The following AFF3 variants were observed in gnomAD, a reference collection of about 807,000 sequenced individuals.
The protein encoded by AFF3 is ALF transcription elongation factor 3, also known as AF4/FMR2 family member 3.
A neutral mutation model predicts 129.7 loss-of-function variants in AFF3; 32 were observed. The ratio of observed to expected loss-of-function variants is 0.25; its 90% confidence interval spans 0.19 to 0.33. The LOEUF is 0.33. Among genes scored for constraint, AFF3 ranks in the 10% least tolerant of loss-of-function variants. The pLI is 1.00. For missense variants in AFF3, 1,373 were observed against 1,592.0 expected (o/e 0.86, Z 2.34); for synonymous variants, 644 against 635.4 (o/e 1.01, Z -0.20).
intron 9 of AFF3, among the ~76,000 whole-genome samples, chr2:99,748,536 C>CCT (rs1463789158): frequency 6.6e-6 from 1 of 152,112 alleles, no homozygotes; most frequent in Non-Finnish European, 1.5e-5. Flanking sequence ...AGCTGTGTAT[C>CCT]CTGTTCTGAT....
intron 14 of AFF3, among the ~76,000 whole-genome samples, chr2:99,594,784 AG>A (rs1278118689): frequency 6.6e-6 from 1 of 152,192 alleles, no homozygotes; most frequent in Admixed American, 6.5e-5. Flanking sequence ...TATGTGTTGA[AG>A]GCAGGTAGGC....
chr2:99,816,122 T>C (rs1040012200), intron 8 of AFF3, among the ~76,000 whole-genome samples: 3 of 152,092 alleles, frequency 2.0e-5, no homozygotes, highest in African/African-American at 7.2e-5. Context: ...GATTGTTCAA[T>C]GATGTCCAGT....
chr2:99,640,555 G>A (rs1313547377), intron 13 of AFF3, among the ~76,000 whole-genome samples: 1 of 151,756 alleles, frequency 6.6e-6, no homozygotes, highest in African/African-American at 2.4e-5. Flanking sequence ...TCAAAGTCCT[G>A]TGCTTGCTTC....
chr2:99,804,773 C>T (rs1022522099), intron 8 of AFF3, among the ~76,000 whole-genome samples: 14 of 152,080 alleles, frequency 9.2e-5, no homozygotes, highest in Admixed American at 1.3e-4. Context: ...GAAATAATGT[C>T]TTTTGTAGCA....
chr2:99,985,491 G>A (rs1679780310), intron 7 of AFF3, among the ~76,000 whole-genome samples: 1 of 152,158 alleles, frequency 6.6e-6, no homozygotes, highest in Non-Finnish European at 1.5e-5. Flanking sequence ...AGGTAAATTG[G>A]TGTGGAGTTA....
intron 4 of AFF3, among the ~76,000 whole-genome samples, chr2:100,031,717 G>A (rs1684510403): frequency 6.6e-6 from 1 of 152,244 alleles, no homozygotes. Flanking sequence ...AATTGAAAGA[G>A]TTTCCAGTGG....
chr2:99,626,522 T>C (rs1172488457), intron 13 of AFF3, among the ~76,000 whole-genome samples: 27 of 97,520 alleles, frequency 2.8e-4, no homozygotes, highest in Non-Finnish European at 4.3e-5. Flanking sequence ...CCCTTCCTCT[T>C]CCTTCCTTCC....
At chr2:99,876,694 A>G (rs1322847672) in intron 7 of AFF3, among the ~76,000 whole-genome samples, 1 of 152,070 alleles carries the variant, frequency 6.6e-6, no homozygotes, top group Non-Finnish European at 1.5e-5. Context: ...AATTCTTAAC[A>G]TAGCCTAAGT....
chr2:99,901,087 T>C (rs1306791018), intron 7 of AFF3, among the ~76,000 whole-genome samples: 1 of 152,270 alleles, frequency 6.6e-6, no homozygotes, highest in African/African-American at 2.4e-5. Flanking sequence ...TGTGTGTGCA[T>C]GCATGCAATC....
At chr2:99,989,385 A>G (rs1483587894) in intron 7 of AFF3, among the ~76,000 whole-genome samples, 1 of 152,228 alleles carries the variant, frequency 6.6e-6, no homozygotes, top group Admixed American at 6.5e-5. Flanking sequence ...ATAAAATACA[A>G]AGTTAATCCA....
At chr2:99,972,038 T>C (rs1269288747) in intron 7 of AFF3, among the ~76,000 whole-genome samples, 1 of 152,196 alleles carries the variant, frequency 6.6e-6, no homozygotes, top group African/African-American at 2.4e-5. Context: ...CTTCTCAGCA[T>C]CACAGAAATC....
At chr2:99,802,712 T>G (rs1686037156) in intron 8 of AFF3, among the ~76,000 whole-genome samples, 1 of 87,058 alleles carries the variant, frequency 1.1e-5, no homozygotes, top group Non-Finnish European at 2.5e-5. Context: ...TTTTTTTTTT[T>G]GCAGCTATTG....
At chr2:99,943,542 A>C (rs941261737) in intron 7 of AFF3, among the ~76,000 whole-genome samples, 6 of 152,216 alleles carry the variant, frequency 3.9e-5, no homozygotes, top group Non-Finnish European at 5.9e-5. Flanking sequence ...AAAATGTGAC[A>C]CTGCCTTCTT....
intron 7 of AFF3, among the ~76,000 whole-genome samples, chr2:99,959,885 C>T (rs1295921078): frequency 6.6e-6 from 1 of 151,824 alleles, no homozygotes; most frequent in African/African-American, 2.4e-5. Flanking sequence ...TATGGCTTCC[C>T]CCTGCATCAA....
chr2:99,618,667 TA>T (rs1681691215), intron 13 of AFF3, among the ~76,000 whole-genome samples: 1 of 152,234 alleles, frequency 6.6e-6, no homozygotes, highest in African/African-American at 2.4e-5. Flanking sequence ...TCTTCCAGTT[TA>T]CCTGCATTAT....
chr2:99,980,938 G>T (rs962446001), intron 7 of AFF3, among the ~76,000 whole-genome samples: 1 of 152,106 alleles, frequency 6.6e-6, no homozygotes, highest in African/African-American at 2.4e-5. Context: ...TCTATATATT[G>T]TTTTTATATA....
intron 1 of AFF3, among the ~76,000 whole-genome samples, chr2:100,136,361 C>T (rs937663498): frequency 4.6e-5 from 7 of 151,810 alleles, no homozygotes; most frequent in African/African-American, 9.7e-5. Flanking sequence ...CGAGAAGGCG[C>T]GGCCAGTGTG....
At chr2:99,833,234 T>C (rs1025133989) in intron 8 of AFF3, among the ~76,000 whole-genome samples, 1 of 152,284 alleles carries the variant, frequency 6.6e-6, no homozygotes, top group East Asian at 1.9e-4. Context: ...CTGGAAATCA[T>C]CCCATCCAGG....
chr2:99,840,574 T>C (rs2105810261), intron 7 of AFF3, among the ~76,000 whole-genome samples: 1 of 152,292 alleles, frequency 6.6e-6, no homozygotes, highest in South Asian at 2.1e-4. Flanking sequence ...CTTTCACTAA[T>C]ACTTCACACC....
Sources: gnomAD v4.1 joint callset for allele counts (sites outside exome capture counted in the v4.1 genomes callset) on GRCh38, gnomAD v4.1.1 for gene constraint, MANE v1.5 for transcripts, NCBI Gene and HGNC (gene_info 2026-07-23, HGNC 2026-07-21) for gene names.